The following DDX60 variants were observed in gnomAD, a reference collection of about 807,000 sequenced individuals.
DDX60 encodes the protein probable ATP-dependent RNA helicase DDX60.
Under a neutral mutation model 212.8 loss-of-function variants are expected in DDX60, and 165 were observed. That is an observed-to-expected ratio of 0.78 (90% CI 0.68 to 0.88). The LOEUF (loss-of-function observed/expected upper bound fraction) is 0.88. Ranked by LOEUF, DDX60 falls within the 40% of genes least tolerant of loss-of-function variation. DDX60 has a pLI of 0.00. For missense variants in DDX60, 1,905 were observed against 2,003.9 expected, an observed-to-expected ratio of 0.95 and a Z score of 0.94; for synonymous variants, 703 against 685.3, an observed-to-expected ratio of 1.03 and a Z score of -0.40.
At chr4:168,293,019 A>C (rs1579061916) in intron 7 of DDX60, among the ~76,000 whole-genome samples, 1 of 152,210 alleles carries the variant, frequency 6.6e-6, no homozygotes, top group East Asian at 1.9e-4. Context: ...ATTTCTCTTT[A>C]ATAGAAACCT....
chr4:168,280,610 A>G lies in DDX60; in HGVS notation c.1723-20T>C, dbSNP rs116646959. ...GGTCTCCTGCCCCAAAGGAAAAAACATCTCTTAAGACAAGTTGAAAATATT... is the reference window on the plus strand; with the variant it reads ...GGTCTCCTGCCCCAAAGGAAAAAACGTCTCTTAAGACAAGTTGAAAATATT... On this transcript the variant is annotated intron_variant, in intron 13 of 37. Coordinates refer to ENST00000393743, the MANE Select transcript of DDX60 (RefSeq NM_017631.6). 1.3e-6 allele frequency: 2 copies of G among 1,591,668 alleles called. No individual in the cohort carries two copies. The highest frequency in any genetic ancestry group is 2.2e-5 in the East Asian group (1 of 44,746).
At chr4:168,220,469 T>C in intron 37 of DDX60, 186 bp downstream of exon 37, 1 of 452,760 alleles carries the variant, frequency 2.2e-6, no homozygotes, top group Non-Finnish European at 4.0e-6. Flanking sequence ...ATTAATTCTG[T>C]TATAGAAATA....
chr4:168,314,086 T>C (rs1313908894), intron 1 of DDX60, among the ~76,000 whole-genome samples: 1 of 152,126 alleles, frequency 6.6e-6, no homozygotes, highest in Non-Finnish European at 1.5e-5. Context: ...TGCAAGACAA[T>C]GCGTGTAAAG....
intron 30 of DDX60, among the ~76,000 whole-genome samples, chr4:168,244,346 C>A (rs901435798): frequency 6.7e-6 from 1 of 148,190 alleles, no homozygotes; most frequent in Non-Finnish European, 1.5e-5. Context: ...AAGGCACTGG[C>A]ACTACAGCCT....
intron 6 of DDX60, among the ~76,000 whole-genome samples, chr4:168,301,860 A>AT (rs1736660500): frequency 2.0e-5 from 3 of 152,246 alleles, no homozygotes; most frequent in Non-Finnish European, 4.4e-5. Context: ...ATGCTCAGAC[A>AT]TATTGTTAGG....
rs1732856610 is a variant in DDX60, at chr4:168,216,627, A to G, written c.*306T>C. ...CTTCGCAGAGTAAAAATTGTTATTCAGTCACATACAACATTCTCGCATTTT... is the reference window on the plus strand; with the variant it reads ...CTTCGCAGAGTAAAAATTGTTATTCGGTCACATACAACATTCTCGCATTTT... On this transcript the variant is annotated 3_prime_UTR_variant, in exon 38 of 38. Coordinates refer to ENST00000393743, the MANE Select transcript of DDX60 (RefSeq NM_017631.6). The G allele has an allele frequency of 5.3e-6, 1 of 187,858 alleles. No individual in the cohort carries two copies. The highest frequency in any genetic ancestry group is 1.1e-5 in the Non-Finnish European group (1 of 92,278). The allele number at this position is 187,858 out of a possible 1,614,324, so 11.6% of individuals were successfully genotyped here. A position where few individuals can be genotyped will look rare whatever the true frequency, so the allele number is the denominator to read the frequency against.
At chr4:168,245,338 C>A (rs72971502) in intron 30 of DDX60, among the ~76,000 whole-genome samples, 3 of 152,056 alleles carry the variant, frequency 2.0e-5, no homozygotes, top group Non-Finnish European at 4.4e-5. Flanking sequence ...CAGAAGGCAA[C>A]GGAAACAATC....
At chr4:168,297,691 G>T (rs1402518209) in intron 6 of DDX60, among the ~76,000 whole-genome samples, 1 of 152,104 alleles carries the variant, frequency 6.6e-6, no homozygotes, top group East Asian at 1.9e-4. Context: ...GGAGGCTGGG[G>T]CCAGGAGTTC....
chr4:168,245,483 C>A (rs1455901656), intron 30 of DDX60, among the ~76,000 whole-genome samples: 1 of 151,944 alleles, frequency 6.6e-6, no homozygotes, highest in Non-Finnish European at 1.5e-5. Flanking sequence ...ACCCTGATAA[C>A]CATTTAAAAA....
At chr4:168,317,232 A>G (rs1737433755) in intron 1 of DDX60, among the ~76,000 whole-genome samples, 1 of 151,956 alleles carries the variant, frequency 6.6e-6, no homozygotes, top group Admixed American at 6.6e-5. Flanking sequence ...ACCCAACAGG[A>G]CACACACATA....
At chr4:168,277,484 A>G (rs149866995) in intron 14 of DDX60, among the ~76,000 whole-genome samples, 24 of 152,248 alleles carry the variant, frequency 1.6e-4, no homozygotes, top group Middle Eastern at 3.4e-3. Context: ...TAAAATACAA[A>G]ATTGTCCTTT....
chr4:168,283,314 A>G, intron 13 of DDX60, 132 bp downstream of exon 13: 1 of 740,226 alleles, frequency 1.4e-6, no homozygotes, highest in Non-Finnish European at 2.2e-6. Flanking sequence ...AAGTAATCAT[A>G]TACAAAAATA....
At chr4:168,245,055 A>G (rs191629882) in intron 30 of DDX60, among the ~76,000 whole-genome samples, 32 of 152,292 alleles carry the variant, frequency 2.1e-4, no homozygotes, top group African/African-American at 7.2e-4. Flanking sequence ...ACTTAACACT[A>G]CTGAACTGTA....
intron 13 of DDX60, among the ~76,000 whole-genome samples, chr4:168,282,743 AATCAGAAAATTC>A (rs1475317320): frequency 6.6e-6 from 1 of 152,150 alleles, no homozygotes; most frequent in Non-Finnish European, 1.5e-5. Flanking sequence ...AAAGTCAGAT[AATCAGAAAATTC>A]AGTTTTAAAA....
At chr4:168,222,548 T>C (rs924226350) in intron 35 of DDX60, among the ~76,000 whole-genome samples, 4 of 152,072 alleles carry the variant, frequency 2.6e-5, no homozygotes, top group African/African-American at 9.7e-5. Flanking sequence ...ATGTACTATA[T>C]GCAGATCAGT....
chr4:168,216,861 C>G lies in DDX60; in HGVS notation c.*72G>C. ...ATCATAATGTATTTCTGGCAAGAAG[C>G]ATAAGAATCAAAAACGTGACCTGAA... On this transcript the variant is annotated 3_prime_UTR_variant, in exon 38 of 38. Transcript: ENST00000393743. The G allele has an allele frequency of 1.1e-6, 1 of 878,372 alleles. No individual in the cohort carries two copies. Among genetic ancestry groups the G allele is most frequent in the Non-Finnish European group, 1.8e-6 (1 of 562,646 alleles). The allele number at this position is 878,372 out of a possible 1,614,324, so 54.4% of individuals were successfully genotyped here. A position where few individuals can be genotyped will look rare whatever the true frequency, so the allele number is the denominator to read the frequency against.
chr4:168,297,253 T>G (rs113503300), intron 6 of DDX60, among the ~76,000 whole-genome samples: 3,760 of 128,246 alleles, frequency 0.029, 367 homozygotes, highest in African/African-American at 0.11. Flanking sequence ...AAAACAGGGC[T>G]GGAAAGAAAG....
intron 19 of DDX60, 110 bp from the exon 20 acceptor site, chr4:168,269,079 T>G: frequency 1.9e-6 from 1 of 534,976 alleles, no homozygotes; most frequent in Non-Finnish European, 3.4e-6. Context: ...CCATCGCCTT[T>G]AAGTGACCAT....
chr4:168,246,280 C>T (rs12510946), intron 30 of DDX60, 138 bp downstream of exon 30: 59,715 of 974,122 alleles, frequency 0.061, 2,581 homozygotes, highest in East Asian at 0.18. Flanking sequence ...CAATTCTATA[C>T]GATTCAAGAC....
Sources: allele counts gnomAD v4.1 joint callset (sites outside exome capture counted in the v4.1 genomes callset), GRCh38; gene constraint gnomAD v4.1.1; transcripts MANE v1.5; gene names NCBI Gene and HGNC (gene_info 2026-07-23, HGNC 2026-07-21).